SMAP1: variants seen among roughly 807,000 people sequenced by gnomAD.
SMAP1 encodes the protein stromal membrane-associated protein 1.
SMAP1 carries 24 observed loss-of-function variants against 58.5 expected under a neutral mutation model. The observed-to-expected ratio is 0.41, with a 90% CI of 0.30 to 0.58. SMAP1 has a LOEUF of 0.58. Ranked by LOEUF, SMAP1 falls within the 20% of genes least tolerant of loss-of-function variation. SMAP1 has a pLI of 0.29. For missense variants in SMAP1, 563 were observed against 566.3 expected (o/e 0.99, Z 0.06); for synonymous variants, 216 against 196.6 (o/e 1.10, Z -0.82).
chr6:70,823,828 T>TA (rs1176649415), intron 6 of SMAP1, among the ~76,000 whole-genome samples: 1 of 151,952 alleles, frequency 6.6e-6, no homozygotes, highest in African/African-American at 2.4e-5. Flanking sequence ...AACCCACAGA[T>TA]AGAGAGCCAA....
At chr6:70,706,617 A>G (rs1221429274) in intron 1 of SMAP1, among the ~76,000 whole-genome samples, 2 of 152,210 alleles carry the variant, frequency 1.3e-5, no homozygotes, top group African/African-American at 4.8e-5. Flanking sequence ...AAATGTTTGC[A>G]TAATTAAAAA....
At chr6:70,805,955 CG>C (rs1027708403) in intron 6 of SMAP1, among the ~76,000 whole-genome samples, 1 of 152,286 alleles carries the variant, frequency 6.6e-6, no homozygotes. Flanking sequence ...TTAGGCTACA[CG>C]GGGGTCAGGG....
At chr6:70,850,346 T>C (rs1057031043) in intron 7 of SMAP1, among the ~76,000 whole-genome samples, 1 of 152,118 alleles carries the variant, frequency 6.6e-6, no homozygotes, top group Non-Finnish European at 1.5e-5. Context: ...AATTTTTTTT[T>C]CCATAAATTT....
chr6:70,820,059 A>C (rs1260615940), intron 6 of SMAP1, among the ~76,000 whole-genome samples: 1 of 151,914 alleles, frequency 6.6e-6, no homozygotes, highest in Non-Finnish European at 1.5e-5. Context: ...AATCTTATGG[A>C]TTTTTTCTTT....
At chr6:70,732,785 G>A (rs1582080896) in intron 2 of SMAP1, among the ~76,000 whole-genome samples, 2 of 152,018 alleles carry the variant, frequency 1.3e-5, no homozygotes, top group Admixed American at 6.6e-5. Context: ...AAATTTGCCA[G>A]TATAATTCCA....
At chr6:70,675,201 T>G (rs1293033604) in intron 1 of SMAP1, among the ~76,000 whole-genome samples, 73 of 18,514 alleles carry the variant, frequency 3.9e-3, no homozygotes, top group African/African-American at 0.027. Flanking sequence ...ATATAGTGTT[T>G]TTTTTTTTTT....
intron 7 of SMAP1, among the ~76,000 whole-genome samples, chr6:70,838,227 A>G (rs1770674622): frequency 6.6e-6 from 1 of 152,184 alleles, no homozygotes; most frequent in Non-Finnish European, 1.5e-5. Flanking sequence ...TCCAGTCTAC[A>G]TGCCTGGTTT....
intron 1 of SMAP1, among the ~76,000 whole-genome samples, chr6:70,685,414 G>A (rs1193698802): frequency 6.6e-6 from 1 of 151,862 alleles, no homozygotes; most frequent in African/African-American, 2.4e-5. Flanking sequence ...CATAAACACA[G>A]AGTGTATTCT....
intron 1 of SMAP1, among the ~76,000 whole-genome samples, chr6:70,692,054 G>C (rs981960923): frequency 1.3e-5 from 2 of 151,966 alleles, no homozygotes; most frequent in African/African-American, 4.8e-5. Flanking sequence ...CTTCATAGTG[G>C]CTGCACTAAT....
intron 2 of SMAP1, among the ~76,000 whole-genome samples, chr6:70,747,698 T>A (rs905064790): frequency 2.0e-5 from 3 of 152,178 alleles, no homozygotes; most frequent in Non-Finnish European, 4.4e-5. Context: ...GGTTTATTCC[T>A]GGACTTTAAG....
chr6:70,677,586 T>G (rs892317089), intron 1 of SMAP1, among the ~76,000 whole-genome samples: 3 of 151,750 alleles, frequency 2.0e-5, no homozygotes, highest in Non-Finnish European at 4.4e-5. Flanking sequence ...GCCCAGCTAA[T>G]TTTTTGTATT....
At chr6:70,791,983 C>T (rs544508275) in intron 5 of SMAP1, among the ~76,000 whole-genome samples, 1 of 152,236 alleles carries the variant, frequency 6.6e-6, no homozygotes, top group South Asian at 2.1e-4. Context: ...TTTATTGGTG[C>T]CATGGCTGTA....
At chr6:70,747,791 G>A (rs1766106366) in intron 2 of SMAP1, among the ~76,000 whole-genome samples, 1 of 152,062 alleles carries the variant, frequency 6.6e-6, no homozygotes. Context: ...ATGTTTAATT[G>A]CATTGCTTAC....
At chr6:70,770,998 G>T (rs1255955063) in intron 3 of SMAP1, among the ~76,000 whole-genome samples, 2 of 152,168 alleles carry the variant, frequency 1.3e-5, no homozygotes, top group Admixed American at 6.5e-5. Context: ...GTCTGTTGGA[G>T]TTTGCTGGAG....
intron 3 of SMAP1, among the ~76,000 whole-genome samples, chr6:70,771,014 C>G (rs907227386): frequency 6.6e-6 from 1 of 152,220 alleles, no homozygotes; most frequent in Non-Finnish European, 1.5e-5. Flanking sequence ...TGGAGGTCCA[C>G]TCCAGACCCT....
At chr6:70,693,075 GC>G (rs1380293070) in intron 1 of SMAP1, among the ~76,000 whole-genome samples, 1 of 151,918 alleles carries the variant, frequency 6.6e-6, no homozygotes, top group Non-Finnish European at 1.5e-5. Context: ...GAGCCACTGC[GC>G]CCAGCCTATG....
At chr6:70,702,108 T>C (rs2149829354) in intron 1 of SMAP1, among the ~76,000 whole-genome samples, 1 of 152,370 alleles carries the variant, frequency 6.6e-6, no homozygotes, top group Non-Finnish European at 1.5e-5. Flanking sequence ...TTGTCCGTAA[T>C]GCCTTTTCCC....
intron 6 of SMAP1, among the ~76,000 whole-genome samples, chr6:70,827,867 A>C (rs1770201066): frequency 6.6e-6 from 1 of 152,210 alleles, no homozygotes; most frequent in Non-Finnish European, 1.5e-5. Flanking sequence ...GATTGTAATA[A>C]ATCCTAAAAA....
At chr6:70,859,395 T>A (rs776390418) in intron 10 of SMAP1, 1 of 1,548,828 alleles carries the variant, frequency 6.5e-7, no homozygotes, top group South Asian at 1.2e-5. Context: ...AATGACAAGG[T>A]GGTTAAAATG....
Sources: allele counts gnomAD v4.1 joint callset (sites outside exome capture counted in the v4.1 genomes callset), GRCh38; gene constraint gnomAD v4.1.1; transcripts MANE v1.5; gene names NCBI Gene and HGNC (gene_info 2026-07-23, HGNC 2026-07-21).